The following AKAP6 variants were observed in gnomAD, a reference collection of about 807,000 sequenced individuals.
The protein encoded by AKAP6 is A-kinase anchor protein 6.
Under a neutral mutation model 188.5 loss-of-function variants are expected in AKAP6, and 58 were observed. The observed-to-expected ratio is 0.31, with a 90% CI of 0.25 to 0.38. AKAP6 has a LOEUF of 0.38. AKAP6 is among the 10% of genes least tolerant of loss of function. The pLI is 1.00. For missense variants in AKAP6, 2,710 were observed against 2,740.0 expected, an observed-to-expected ratio of 0.99 and a Z score of 0.24; for synonymous variants, 989 against 998.6, an observed-to-expected ratio of 0.99 and a Z score of 0.18.
rs187174593 is a variant in AKAP6, at chr14:32,540,045, G to T, written c.576+4240G>T. The stretch of plus-strand genomic sequence containing the variant: ...GATCTAAGAAGGCATTTGGAACTAG[G>T]CTTCAGTTAATTATGGAAAAGGAAC... On this transcript the variant is annotated intron_variant, in intron 3 of 13. Transcript: ENST00000280979. 3.2e-3 allele frequency among the ~76,000 whole-genome samples: 473 copies of T among 149,970 alleles called. 3 individuals carry two copies. Among genetic ancestry groups the T allele is most frequent in the African/African-American group, 0.011 (445 of 40,752 alleles).
chr14:32,639,798 G>A (rs779221709), intron 7 of AKAP6, among the ~76,000 whole-genome samples: 48 of 152,164 alleles, frequency 3.2e-4, no homozygotes, highest in Admixed American at 9.8e-4. Flanking sequence ...AAGGGGCTGC[G>A]GACTGAAAAT....
intron 1 of AKAP6, among the ~76,000 whole-genome samples, chr14:32,331,455 TTTTC>T (rs1218021670): frequency 1.3e-5 from 2 of 151,946 alleles, no homozygotes; most frequent in Admixed American, 1.3e-4. Flanking sequence ...ACCCTGTAAT[TTTTC>T]CCCCCGCAAA....
At chr14:32,540,958 CAGTTTATA>C (rs1376933683) in intron 3 of AKAP6, among the ~76,000 whole-genome samples, 2 of 151,592 alleles carry the variant, frequency 1.3e-5, no homozygotes, top group Non-Finnish European at 2.9e-5. Context: ...AAATAGGGTG[CAGTTTATA>C]CTGCTTGGGT....
intron 9 of AKAP6, among the ~76,000 whole-genome samples, chr14:32,725,267 C>T (rs2030812631): frequency 6.6e-6 from 1 of 152,148 alleles, no homozygotes; most frequent in Non-Finnish European, 1.5e-5. Flanking sequence ...TTACTTTTTG[C>T]ATATTTTTCC....
intron 7 of AKAP6, among the ~76,000 whole-genome samples, chr14:32,615,886 GC>G (rs2139400412): frequency 6.6e-6 from 1 of 152,070 alleles, no homozygotes; most frequent in East Asian, 1.9e-4. Context: ...GAGCCACCGC[GC>G]CCAGCCTAAA....
intron 8 of AKAP6, among the ~76,000 whole-genome samples, chr14:32,678,969 A>G (rs1229166334): frequency 6.6e-6 from 1 of 152,202 alleles, no homozygotes; most frequent in African/African-American, 2.4e-5. Flanking sequence ...TGCATTATCT[A>G]TGGTATGTGA....
Position 32,546,700 on chromosome 14 carries a change from A to C in AKAP6, c.2047A>C (p.Thr683Pro), listed in dbSNP as rs1883215005. Residue 683 changes from threonine to proline, a missense_variant, in exon 4 of 14, where the codon ACC (threonine) becomes CCC (proline). Thr to Pro is a conservative substitution (Grantham distance 38, BLOSUM62 -1). Transcript: ENST00000280979. ...EMNSDSEIYP[T>P]YHVKKKHTRL... is the part of the protein sequence containing the mutation. ...GAATTCAGATTCTGAAATCTATCCA[A>C]CCTATCATGTCAAAAAGAAGCATAC... The C allele has an allele frequency of 1.2e-6, 2 of 1,613,954 alleles. No homozygotes were observed. Among genetic ancestry groups the C allele is most frequent in the Admixed American group, 1.7e-5 (1 of 59,982 alleles).
chr14:32,439,904 G>T (rs2138730648), intron 2 of AKAP6, among the ~76,000 whole-genome samples: 1 of 152,102 alleles, frequency 6.6e-6, no homozygotes, highest in South Asian at 2.1e-4. Flanking sequence ...AATAAGCCCT[G>T]GTTTAAGATT....
intron 9 of AKAP6, among the ~76,000 whole-genome samples, chr14:32,727,187 C>T (rs1224266080): frequency 6.6e-6 from 1 of 152,084 alleles, no homozygotes; most frequent in Non-Finnish European, 1.5e-5. Flanking sequence ...ACTTTTTTCT[C>T]ACCCTTGACA....
intron 2 of AKAP6, among the ~76,000 whole-genome samples, chr14:32,462,476 T>G (rs1012460017): frequency 2.0e-5 from 3 of 152,130 alleles, no homozygotes; most frequent in African/African-American, 7.2e-5. Flanking sequence ...CCAGCCAAAT[T>G]AAGCTTCATA....
chr14:32,706,819 C>T (rs1202023410), intron 9 of AKAP6, among the ~76,000 whole-genome samples: 1 of 152,042 alleles, frequency 6.6e-6, no homozygotes, highest in African/African-American at 2.4e-5. Flanking sequence ...AAACACACTA[C>T]ACACACATGC....
chr14:32,588,026 CATTAA>C (rs1353573078), intron 5 of AKAP6, among the ~76,000 whole-genome samples: 4 of 152,246 alleles, frequency 2.6e-5, no homozygotes, highest in Non-Finnish European at 4.4e-5. Context: ...TAAAGAAAAA[CATTAA>C]ATTATACTTA....
chr14:32,654,521 T>G (rs1225458567), intron 7 of AKAP6, among the ~76,000 whole-genome samples: 2 of 151,980 alleles, frequency 1.3e-5, no homozygotes, highest in Non-Finnish European at 2.9e-5. Flanking sequence ...ACCAGACTGA[T>G]AGTCTTTTTA....
chr14:32,537,247 G>C (rs527723757), intron 3 of AKAP6, among the ~76,000 whole-genome samples: 1 of 152,344 alleles, frequency 6.6e-6, no homozygotes, highest in East Asian at 1.9e-4. Context: ...TTAAGTCACA[G>C]TCTTTGTTTT....
At chr14:32,400,710 C>T (rs1045441756) in intron 1 of AKAP6, among the ~76,000 whole-genome samples, 28 of 152,194 alleles carry the variant, frequency 1.8e-4, no homozygotes, top group South Asian at 8.3e-4. Flanking sequence ...ACATCCATTC[C>T]ACTCTGCTCC....
chr14:32,454,755 C>G, intron 2 of AKAP6, among the ~76,000 whole-genome samples: 2 of 19,450 alleles, frequency 1.0e-4, no homozygotes, highest in African/African-American at 5.1e-4. Context: ...CTCCTTCCCT[C>G]CCTCCCTCCC....
intron 2 of AKAP6, among the ~76,000 whole-genome samples, chr14:32,470,739 G>T (rs2138859375): frequency 6.6e-6 from 1 of 152,322 alleles, no homozygotes; most frequent in East Asian, 1.9e-4. Flanking sequence ...GCAATACTTA[G>T]AGCTAGAATT....
At chr14:32,628,553 AGAAAG>A (rs1476259567) in intron 7 of AKAP6, among the ~76,000 whole-genome samples, 14 of 152,212 alleles carry the variant, frequency 9.2e-5, no homozygotes, top group East Asian at 1.9e-4. Flanking sequence ...AGGGAAAAAA[AGAAAG>A]GAAGGAAGTT....
At chr14:32,714,782 T>C (rs930312860) in intron 9 of AKAP6, among the ~76,000 whole-genome samples, 5 of 151,980 alleles carry the variant, frequency 3.3e-5, no homozygotes, top group East Asian at 1.9e-4. Context: ...TTTCATAATA[T>C]ATGAGCAACC....
Sources: allele counts gnomAD v4.1 joint callset (sites outside exome capture counted in the v4.1 genomes callset), GRCh38; gene constraint gnomAD v4.1.1; transcripts MANE v1.5; gene names NCBI Gene and HGNC (gene_info 2026-07-23, HGNC 2026-07-21).